The following EPHA6 variants were observed in gnomAD, a reference collection of about 807,000 sequenced individuals.
EPHA6 encodes EPH receptor A6.
EPHA6 carries 50 observed loss-of-function variants against 112.0 expected under a neutral mutation model. The observed-to-expected ratio is 0.45, with a 90% CI of 0.36 to 0.56. EPHA6 has a LOEUF of 0.56. Among genes scored for constraint, EPHA6 ranks in the 20% least tolerant of loss-of-function variants. The pLI, the probability that EPHA6 is intolerant of heterozygous loss-of-function variation, is 0.00. For synonymous variants in EPHA6, 529 were observed against 490.7 expected, an observed-to-expected ratio of 1.08 and a Z score of -1.03; for missense variants, 1,280 against 1,417.4, an observed-to-expected ratio of 0.90 and a Z score of 1.56.
chr3:97,112,037 A>T (rs1306683277), intron 3 of EPHA6, among the ~76,000 whole-genome samples: 1 of 152,192 alleles, frequency 6.6e-6, no homozygotes, highest in African/African-American at 2.4e-5. Context: ...GCATGAATAC[A>T]TTCACTGTGT....
rs563369963 is a variant in EPHA6, at chr3:97,245,321, T to G, written c.1606+1034T>G. Among the ~76,000 whole-genome samples the G allele has an allele frequency of 6.6e-5, 10 of 152,086 alleles. No individual in the cohort carries two copies. The South Asian group carries it at 1.9e-3, about 28-fold the overall frequency. ...GGTTTCACAAGGTCTGTCCTCCTTA[T>G]GTCTAATCTCCTAATCTTCTCTTCT... is the stretch of plus-strand genomic sequence containing the variant. On this transcript the variant is annotated intron_variant, in intron 5 of 17. Coordinates refer to ENST00000389672, the MANE Select transcript of EPHA6 (RefSeq NM_001080448.3).
intron 5 of EPHA6, among the ~76,000 whole-genome samples, chr3:97,272,960 A>G (rs1261051862): frequency 6.6e-6 from 1 of 152,136 alleles, no homozygotes; most frequent in African/African-American, 2.4e-5. Flanking sequence ...ATAATGGGTA[A>G]TGTATCTCAG....
chr3:97,439,651 A>C, intron 6 of EPHA6: 1 of 1,001,420 alleles, frequency 1.0e-6, no homozygotes, highest in Non-Finnish European at 1.2e-6. Context: ...AAACCAGGAA[A>C]GCTAAGGTTG....
chr3:97,265,719 C>G (rs572093454), intron 5 of EPHA6, among the ~76,000 whole-genome samples: 1 of 152,220 alleles, frequency 6.6e-6, no homozygotes. Context: ...CGGTTCCCCA[C>G]AGCCTGTGGT....
Position 96,842,582 on chromosome 3 carries a change from C to T in EPHA6, c.386-24243C>T, listed in dbSNP as rs73131516. On this transcript the variant is annotated intron_variant, in intron 1 of 17. Transcript: ENST00000389672. Reference sequence around the variant, plus strand: ...GAATTTAGATTAAAATAGAGGTACACCCTAAATTTCAGCTTTATGCTGACA... The same window carrying T: ...GAATTTAGATTAAAATAGAGGTACATCCTAAATTTCAGCTTTATGCTGACA... 2.6e-5 allele frequency among the ~76,000 whole-genome samples: 4 copies of T among 151,980 alleles called. No homozygotes were observed. The South Asian group carries it at 8.3e-4, about 32-fold the overall frequency.
chr3:97,040,711 A>G (rs1404106538), intron 3 of EPHA6, among the ~76,000 whole-genome samples: 1 of 152,084 alleles, frequency 6.6e-6, no homozygotes, highest in East Asian at 1.9e-4. Context: ...GGCTATGTCA[A>G]ATTCTTCAGA....
intron 11 of EPHA6, among the ~76,000 whole-genome samples, chr3:97,568,134 G>T (rs967583740): frequency 6.6e-6 from 1 of 152,080 alleles, no homozygotes; most frequent in Non-Finnish European, 1.5e-5. Flanking sequence ...CCAGGTTTTG[G>T]CTAGGCCCTG....
At chr3:97,494,064 C>G (rs1290629288) in intron 10 of EPHA6, among the ~76,000 whole-genome samples, 1 of 152,146 alleles carries the variant, frequency 6.6e-6, no homozygotes, top group Non-Finnish European at 1.5e-5. Flanking sequence ...GTGCTTTGAC[C>G]AGGATGTACC....
At chr3:97,380,297 G>T (rs1191437997) in intron 5 of EPHA6, among the ~76,000 whole-genome samples, 1 of 152,222 alleles carries the variant, frequency 6.6e-6, no homozygotes, top group African/African-American at 2.4e-5. Context: ...AAAAAGAAAA[G>T]ATAATCAGAT....
intron 5 of EPHA6, among the ~76,000 whole-genome samples, chr3:97,257,924 C>T (rs965084868): frequency 6.6e-6 from 1 of 152,004 alleles, no homozygotes; most frequent in Non-Finnish European, 1.5e-5. Flanking sequence ...GATGTACACA[C>T]ATGGTCATAA....
intron 10 of EPHA6, among the ~76,000 whole-genome samples, chr3:97,503,340 A>G (rs191915542): frequency 9.0e-4 from 137 of 152,344 alleles, no homozygotes; most frequent in Admixed American, 4.6e-3. Flanking sequence ...ACAAATTCAA[A>G]TAATATTAAA....
At chr3:97,734,267 A>G (rs1165137935) in intron 15 of EPHA6, among the ~76,000 whole-genome samples, 1 of 152,006 alleles carries the variant, frequency 6.6e-6, no homozygotes. Flanking sequence ...CTAGAGTGGG[A>G]TTTCAATGTT....
intron 11 of EPHA6, among the ~76,000 whole-genome samples, chr3:97,576,045 T>C (rs1052318719): frequency 6.6e-6 from 1 of 152,076 alleles, no homozygotes; most frequent in Non-Finnish European, 1.5e-5. Context: ...TTCATGAAGA[T>C]AAGGAACACA....
chr3:96,937,587 C>T (rs1240389319), intron 2 of EPHA6, among the ~76,000 whole-genome samples: 1 of 152,034 alleles, frequency 6.6e-6, no homozygotes, highest in Non-Finnish European at 1.5e-5. Context: ...GTTTCTTTTG[C>T]TGTGCAGAAG....
intron 1 of EPHA6, among the ~76,000 whole-genome samples, chr3:96,822,291 A>G (rs1467618126): frequency 6.6e-6 from 1 of 151,908 alleles, no homozygotes; most frequent in East Asian, 1.9e-4. Context: ...GTTATTAAAA[A>G]CTAATTCATG....
intron 5 of EPHA6, among the ~76,000 whole-genome samples, chr3:97,302,938 G>T (rs1441028648): frequency 6.6e-6 from 1 of 151,666 alleles, no homozygotes; most frequent in Non-Finnish European, 1.5e-5. Flanking sequence ...TAGGAATAAG[G>T]CAATAAGTTG....
At chr3:96,994,732 T>TATATATATATAGAGAGAGAGAGAGAGAG (rs1170197805) in intron 3 of EPHA6, among the ~76,000 whole-genome samples, 8 of 82,184 alleles carry the variant, frequency 9.7e-5, no homozygotes, top group African/African-American at 2.6e-4. Flanking sequence ...TATATATATA[T>TATATATATATAGAGAGAGAGAGAGAGAG]AGAGAGAGAG....
chr3:97,214,792 A>G (rs1301056571), intron 3 of EPHA6, among the ~76,000 whole-genome samples: 2 of 152,184 alleles, frequency 1.3e-5, no homozygotes, highest in Non-Finnish European at 2.9e-5. Context: ...GGATGCTATG[A>G]GGTTATTCAG....
chr3:97,050,066 A>T (rs1037507016), intron 3 of EPHA6, among the ~76,000 whole-genome samples: 7 of 152,208 alleles, frequency 4.6e-5, no homozygotes, highest in Non-Finnish European at 7.3e-5. Flanking sequence ...CAGACAGAAG[A>T]CAAGTTAAAT....
Sources: gnomAD v4.1 joint callset for allele counts (sites outside exome capture counted in the v4.1 genomes callset) on GRCh38, gnomAD v4.1.1 for gene constraint, MANE v1.5 for transcripts, NCBI Gene and HGNC (gene_info 2026-07-23, HGNC 2026-07-21) for gene names.